WDR59: variants seen among roughly 807,000 people sequenced by gnomAD.
The protein encoded by WDR59 is WD repeat domain 59, also known as GATOR2 complex protein WDR59.
In WDR59, 100 loss-of-function variants were observed where a neutral mutation model predicts 131.2. The ratio of observed to expected loss-of-function variants is 0.76; its 90% CI spans 0.65 to 0.90. The LOEUF is 0.90. WDR59 is among the 40% of genes least tolerant of loss of function. The pLI, the probability that WDR59 is intolerant of heterozygous loss-of-function variation, is 0.00. For missense variants in WDR59, 1,203 were observed against 1,262.2 expected (o/e 0.95, Z 0.71); for synonymous variants, 601 against 466.2 (o/e 1.29, Z -3.72).
rs112004869 is a variant in WDR59 at position 74,910,092 on chromosome 16, C to T, written c.1390-175G>A. 5.3e-5 allele frequency among the ~76,000 whole-genome samples: 8 copies of T among 151,880 alleles called. No homozygotes were observed. The South Asian group carries it at 6.3e-4, about 12-fold the overall frequency. On this transcript the variant is annotated intron_variant, in intron 14 of 25. Coordinates refer to ENST00000262144, the MANE Select transcript of WDR59 (RefSeq NM_030581.4). The stretch of plus-strand genomic sequence containing the variant: ...AAGTGATTCTTGTGCCTCAGCCTCC[C>T]GAGTAGCTGGGACTACAGGCGCCCA...
At chr16:74,893,189 T>C (rs1165888164) in intron 19 of WDR59, among the ~76,000 whole-genome samples, 1 of 152,228 alleles carries the variant, frequency 6.6e-6, no homozygotes, top group African/African-American at 2.4e-5. Flanking sequence ...ATTATGTTAT[T>C]AAGCAATTGA....
chr16:74,901,989 G>A (rs1332349152), intron 18 of WDR59, among the ~76,000 whole-genome samples: 1 of 152,046 alleles, frequency 6.6e-6, no homozygotes, highest in African/African-American at 2.4e-5. Context: ...CTATTAAGTT[G>A]AACCACATGA....
intron 8 of WDR59, among the ~76,000 whole-genome samples, chr16:74,937,835 G>C (rs1323100623): frequency 6.6e-6 from 1 of 152,094 alleles, no homozygotes; most frequent in Non-Finnish European, 1.5e-5. Flanking sequence ...TTTTGTCTCT[G>C]ACTTCCTTTC....
chr16:74,913,749 T>C (rs2144951649), intron 13 of WDR59, among the ~76,000 whole-genome samples: 1 of 152,194 alleles, frequency 6.6e-6, no homozygotes, highest in South Asian at 2.1e-4. Flanking sequence ...GGGAAGAAAG[T>C]AGATTCGGGA....
rs2034572741 is a variant in WDR59, at chr16:74,985,070, C to A, written c.-53G>T. 2 of 1,511,314 alleles carry A rather than the reference C, an allele frequency of 1.3e-6. No homozygotes were observed. The highest frequency in any genetic ancestry group is 3.9e-5 in the Admixed American group (2 of 50,870). The allele number at this position is 1,511,314 out of a possible 1,614,324, so 93.6% of individuals were successfully genotyped here. A position where few individuals can be genotyped will look rare whatever the true frequency, so the allele number is the denominator to read the frequency against. ...GGACGGCGCCCTCCCACCCCGCCGT[C>A]CCCAGTATCCCGGGACCGTGCGCCC... On this transcript the variant is annotated 5_prime_UTR_variant, in exon 1 of 26. Coordinates refer to ENST00000262144, the MANE Select transcript of WDR59 (RefSeq NM_030581.4).
rs1964049244 is a variant in WDR59 at position 74,873,316 on chromosome 16, A to T, written c.*893T>A. On this transcript the variant is annotated 3_prime_UTR_variant, in exon 26 of 26. Coordinates refer to ENST00000262144, the MANE Select transcript of WDR59 (RefSeq NM_030581.4). ...TCACTTTTGCCTTCTAAAGTGTGGG[A>T]TTACAGGCATGAGCCATGGGGCCTG... 1 of 152,256 alleles carries T rather than the reference A, an allele frequency of 6.6e-6. No homozygotes were observed. The allele number at this position is 152,256 out of a possible 1,614,324, so 9.4% of individuals were successfully genotyped here.
Position 74,892,531 on chromosome 16 carries a change from T to C in WDR59, c.2035A>G (p.Lys679Glu). 6.2e-7 allele frequency: 1 copy of C among 1,613,908 alleles called. No homozygotes were observed. Among genetic ancestry groups the C allele is most frequent in the South Asian group, 1.1e-5 (1 of 91,066 alleles). Residue 679 changes from lysine to glutamate, a missense_variant, in exon 20 of 26, where the codon AAG becomes GAG. Physicochemically the swap from Lys to Glu is moderately conservative, Grantham distance 56. Coordinates refer to ENST00000262144, the MANE Select transcript of WDR59 (RefSeq NM_030581.4). ...ACGAGCAAGGCAGAGGCGGCATTCT[T>C]CTGACATGTTTCCTGAATATCATTC... ...NVNDIQETCQ[K>E]NAASALLVGR...
intron 1 of WDR59, among the ~76,000 whole-genome samples, chr16:74,973,019 G>C (rs559068625): frequency 1.7e-4 from 26 of 151,590 alleles, no homozygotes; most frequent in South Asian, 1.5e-3. Context: ...GATCACCTGA[G>C]GTCTGAGGTC....
intron 4 of WDR59, among the ~76,000 whole-genome samples, chr16:74,950,924 G>A (rs2032956271): frequency 1.3e-5 from 2 of 151,768 alleles, no homozygotes; most frequent in Admixed American, 1.3e-4. Flanking sequence ...GGGAGGCCAA[G>A]GCAGGTGGGT....
chr16:74,885,975 G>A lies in WDR59; in HGVS notation c.2547-180C>T, dbSNP rs193290266. ...GTGGATCACTTGAGGTCAGGAGTTT[G>A]AGACCAGCCTGGCCAACATGGTGAA... On this transcript the variant is annotated intron_variant, in intron 24 of 25. Transcript: ENST00000262144. 2.1e-4 allele frequency: 156 copies of A among 753,840 alleles called. 1 individual carries two copies. The African/African-American group carries it at 2.5e-3, about 12-fold the overall frequency. 46.7% of individuals were successfully genotyped at this position (753,840 alleles called of 1,614,324 possible).
chr16:74,874,152 T>C lies in WDR59; in HGVS notation c.*57A>G. The stretch of plus-strand genomic sequence containing the variant: ...GGAGCCTCTCCCCTGACAGACAGCT[T>C]GTCACCGGCACTTATGGGTCCTCTG... On this transcript the variant is annotated 3_prime_UTR_variant, in exon 26 of 26. Transcript: ENST00000262144. 6.9e-7 allele frequency: 1 copy of C among 1,447,582 alleles called. No homozygotes were observed. The highest frequency in any genetic ancestry group is 2.4e-5 in the East Asian group (1 of 41,532). The allele number at this position is 1,447,582 out of a possible 1,614,324, so 89.7% of individuals were successfully genotyped here. A position where few individuals can be genotyped will look rare whatever the true frequency, so the allele number is the denominator to read the frequency against.
rs1430152487 is a variant in WDR59, at chr16:74,907,365, C to T, written c.1712+1543G>A. Among the ~76,000 whole-genome samples, 8 of 152,222 alleles carry T rather than the reference C, an allele frequency of 5.3e-5. No individual in the cohort carries two copies. The South Asian group carries it at 8.3e-4, about 16-fold the overall frequency. On this transcript the variant is annotated intron_variant, in intron 17 of 25. Transcript: ENST00000262144. ...GTGGGAGGTGATTGGATCATGGGGG[C>T]GGCGTCCCCCATGCTGTTCTCATGA...
intron 9 of WDR59, 150 bp from the exon 10 acceptor site, chr16:74,922,253 A>G (rs1214657365): frequency 1.0e-5 from 10 of 953,354 alleles, no homozygotes; most frequent in Non-Finnish European, 1.5e-5. Flanking sequence ...CCCAAACACC[A>G]TAGGCTGCAC....
intron 1 of WDR59, among the ~76,000 whole-genome samples, chr16:74,984,441 G>A (rs2034545498): frequency 6.6e-6 from 1 of 152,186 alleles, no homozygotes; most frequent in South Asian, 2.1e-4. Context: ...CACGTGCAGT[G>A]TCACTCCTAT....
intron 6 of WDR59, among the ~76,000 whole-genome samples, chr16:74,947,577 A>T (rs10871298): frequency 0.36 from 54,079 of 151,998 alleles, 10,731 homozygotes; most frequent in East Asian, 0.75. Flanking sequence ...TCTCACTGAA[A>T]CCATTTTTCA....
Position 74,965,717 on chromosome 16 carries a change from C to T in WDR59, c.104+56G>A, listed in dbSNP as rs944487356. The stretch of plus-strand genomic sequence containing the variant: ...ATAGCTTCCAAGTTCCCAGAAACCC[C>T]GATTTGCAAATCGTTTCCAGAAATC... On this transcript the variant is annotated intron_variant, in intron 2 of 25. Coordinates refer to ENST00000262144, the MANE Select transcript of WDR59 (RefSeq NM_030581.4). 4.0e-5 allele frequency: 64 copies of T among 1,602,894 alleles called. No homozygotes were observed. In the South Asian group the frequency reaches 5.0e-4, roughly 12 times the overall value.
At position 74,874,448 on chromosome 16, in the gene WDR59, G is replaced by A; in HGVS notation, c.2690-4C>T. 6.2e-7 allele frequency: 1 copy of A among 1,613,522 alleles called. No individual in the cohort carries two copies. Among genetic ancestry groups the A allele is most frequent in the South Asian group, 1.1e-5 (1 of 91,048 alleles). ...TGGCTGCAGTACACGCCGAACTCTG[G>A]AAATGGGCAGGGACGGGCAAAACAA... On this transcript the variant is annotated splice_region_variant and splice_polypyrimidine_tract_variant and intron_variant, in intron 25 of 25. Transcript: ENST00000262144.
intron 8 of WDR59, among the ~76,000 whole-genome samples, chr16:74,929,726 A>G (rs2031210716): frequency 6.6e-6 from 1 of 152,238 alleles, no homozygotes. Flanking sequence ...AGACATCTGC[A>G]TGCCCATATT....
chr16:74,883,020 CTTTTTTT>C (rs948092826), intron 25 of WDR59, among the ~76,000 whole-genome samples: 7 of 111,276 alleles, frequency 6.3e-5, no homozygotes, highest in African/African-American at 2.5e-4. Flanking sequence ...TTGTTTTTTG[CTTTTTTT>C]TTTTTTTTTT....
Sources: gnomAD v4.1 joint callset for allele counts (sites outside exome capture counted in the v4.1 genomes callset) on GRCh38, gnomAD v4.1.1 for gene constraint, MANE v1.5 for transcripts, NCBI Gene and HGNC (gene_info 2026-07-23, HGNC 2026-07-21) for gene names.